Variants in FHL2 observed in about 807,000 individuals in gnomAD.
FHL2 encodes the protein four and a half LIM domains 2.
FHL2 carries 20 observed loss-of-function variants against 32.7 expected under a neutral mutation model. The ratio of observed to expected loss-of-function variants is 0.61; its 90% CI spans 0.43 to 0.89. The LOEUF (loss-of-function observed/expected upper bound fraction) is 0.89. Among genes scored for constraint, FHL2 ranks in the 40% least tolerant of loss-of-function variants. The pLI, the probability that FHL2 is intolerant of heterozygous loss-of-function variation, is 0.00. For missense variants in FHL2, 311 were observed against 358.6 expected, an observed-to-expected ratio of 0.87 and a Z score of 1.07; for synonymous variants, 123 against 128.1, an observed-to-expected ratio of 0.96 and a Z score of 0.27.
At chr2:105,382,810 G>A (rs896375704) in intron 3 of FHL2, among the ~76,000 whole-genome samples, 9 of 152,088 alleles carry the variant, frequency 5.9e-5, no homozygotes, top group East Asian at 3.9e-4. Context: ...TACGTGTGTC[G>A]CCCAGGGCTT....
At chr2:105,400,676 T>G (rs1371710483), upstream of FHL2, among the ~76,000 whole-genome samples, 1 of 133,996 alleles carries the variant, frequency 7.5e-6, no homozygotes, top group East Asian at 2.1e-4. Context: ...TCCTTTTGTC[T>G]TATATTTTAA....
At chr2:105,423,380 G>A (rs1415042819) in intron 1 of FHL2, among the ~76,000 whole-genome samples, 2 of 152,192 alleles carry the variant, frequency 1.3e-5, no homozygotes, top group African/African-American at 4.8e-5. Context: ...TAGAGATTGA[G>A]GTACAAACAG....
intron 4 of FHL2, among the ~76,000 whole-genome samples, chr2:105,371,419 C>G (rs903081756): frequency 6.6e-6 from 1 of 152,046 alleles, no homozygotes; most frequent in African/African-American, 2.4e-5. Context: ...AGCCTGCCGC[C>G]CTACGGAATT....
intron 2 of FHL2, among the ~76,000 whole-genome samples, chr2:105,390,944 A>G (rs143911489): frequency 0.013 from 1,989 of 151,322 alleles, 37 homozygotes; most frequent in African/African-American, 0.045. Context: ...TTACGGGCAC[A>G]CGCCACCACA....
chr2:105,396,448 G>A (rs186837822), intron 2 of FHL2, among the ~76,000 whole-genome samples, 199 bp downstream of exon 2: 329 of 152,218 alleles, frequency 2.2e-3, no homozygotes, highest in Admixed American at 4.7e-3. Flanking sequence ...TCACATTATG[G>A]AGAGCAGCCT....
At chr2:105,393,469 T>C (rs1682881839) in intron 2 of FHL2, among the ~76,000 whole-genome samples, 1 of 152,118 alleles carries the variant, frequency 6.6e-6, no homozygotes, top group African/African-American at 2.4e-5. Flanking sequence ...GGAAAACTGG[T>C]CTATGTGGGC....
upstream of FHL2, chr2:105,399,454 A>C: frequency 6.5e-7 from 1 of 1,536,082 alleles, no homozygotes; most frequent in Non-Finnish European, 8.7e-7. Context: ...ACTTCTCAGG[A>C]GGCATGTGCC....
At chr2:105,378,259 G>A (rs1017188509) in intron 3 of FHL2, 2 of 458,276 alleles carry the variant, frequency 4.4e-6, no homozygotes, top group African/African-American at 2.0e-5. Flanking sequence ...CGTGACACTT[G>A]AAACTGTCCC....
intron 2 of FHL2, among the ~76,000 whole-genome samples, chr2:105,395,362 A>C (rs1052042138): frequency 6.6e-6 from 1 of 152,126 alleles, no homozygotes; most frequent in African/African-American, 2.4e-5. Context: ...GAACACTTCT[A>C]CACCTACAAA....
chr2:105,400,011 G>C (rs1185837214), upstream of FHL2, among the ~76,000 whole-genome samples: 1 of 152,192 alleles, frequency 6.6e-6, no homozygotes, highest in East Asian at 1.9e-4. Flanking sequence ...TCTCCGTCTG[G>C]TAGGCCTCAT....
chr2:105,437,347 C>T (rs1230838369), intron 1 of FHL2, among the ~76,000 whole-genome samples: 1 of 152,098 alleles, frequency 6.6e-6, no homozygotes, highest in Non-Finnish European at 1.5e-5. Context: ...TTGGTCATTA[C>T]ACATTCTATG....
At chr2:105,426,646 G>A (rs2104676494) in intron 1 of FHL2, among the ~76,000 whole-genome samples, 1 of 152,304 alleles carries the variant, frequency 6.6e-6, no homozygotes, top group East Asian at 1.9e-4. Flanking sequence ...CTGTGCTGCT[G>A]CAAAGACCCC....
At chr2:105,422,444 A>T (rs535005645) in intron 1 of FHL2, among the ~76,000 whole-genome samples, 37 of 152,302 alleles carry the variant, frequency 2.4e-4, no homozygotes, top group African/African-American at 7.9e-4. Flanking sequence ...GGAATAGTGG[A>T]TCACATATAA....
At chr2:105,376,063 C>A (rs1681451979) in intron 3 of FHL2, 1 of 152,216 alleles carries the variant, frequency 6.6e-6, no homozygotes, top group African/African-American at 2.4e-5. Context: ...TCTTTCCATG[C>A]ACACGCCCCG....
intron 2 of FHL2, among the ~76,000 whole-genome samples, chr2:105,394,816 T>G (rs1683012095): frequency 6.6e-6 from 1 of 152,238 alleles, no homozygotes; most frequent in African/African-American, 2.4e-5. Flanking sequence ...ATAGTTTACA[T>G]AAACTGGTAA....
rs1378806856 is a variant in FHL2 at position 105,378,035 on chromosome 2, G to A, written c.157-4302C>T. ...GAGAGAGAAATCTCCAAGGTCAACA[G>A]GAAAGCAAAGCCACTAGATGTCACC... On this transcript the variant is annotated intron_variant, in intron 3 of 6. Coordinates refer to ENST00000530340, the MANE Select transcript of FHL2 (RefSeq NM_001318895.3). The A allele has an allele frequency of 1.5e-5, 7 of 470,026 alleles. No homozygotes were observed. The East Asian group carries it at 4.9e-4, about 33-fold the overall frequency. The allele number at this position is 470,026 out of a possible 1,614,324, so 29.1% of individuals were successfully genotyped here. A position where few individuals can be genotyped will look rare whatever the true frequency, so the allele number is the denominator to read the frequency against.
At chr2:105,423,046 G>A (rs925792681) in intron 1 of FHL2, among the ~76,000 whole-genome samples, 2 of 152,136 alleles carry the variant, frequency 1.3e-5, no homozygotes, top group Admixed American at 1.3e-4. Context: ...GAGGATGCTT[G>A]CATTGGGCCT....
intron 1 of FHL2, among the ~76,000 whole-genome samples, chr2:105,405,078 T>C (rs1399130310): frequency 6.6e-6 from 1 of 152,196 alleles, no homozygotes; most frequent in Admixed American, 6.5e-5. Context: ...GGCCAGTAAA[T>C]GTTGCTGGAT....
Position 105,373,645 on chromosome 2 carries a change from GC to G in FHL2, c.244del (p.Ala82ProfsTer129). The G allele has an allele frequency of 6.2e-7, 1 of 1,614,176 alleles. No homozygotes were observed. Among genetic ancestry groups the G allele is most frequent in the South Asian group, 1.1e-5 (1 of 91,078 alleles). Reference protein sequence around the residue: ...RNSLVDKPFAAKEDQLLCTDC... With the variant: ...RNSLVDKPFAXKEDQLLCTDC... The stretch of plus-strand genomic sequence containing the variant: ...TGTACAGAGCAGCTGGTCCTCCTTG[GC>G]AGCAAAGGGCTTGTCCACCAGTGAG... On this transcript the variant is annotated frameshift_variant, in exon 4 of 7. Transcript: ENST00000530340. LOFTEE classifies it high-confidence loss of function.
Sources: allele counts gnomAD v4.1 joint callset (sites outside exome capture counted in the v4.1 genomes callset), GRCh38; gene constraint gnomAD v4.1.1; transcripts MANE v1.5; gene names NCBI Gene and HGNC (gene_info 2026-07-23, HGNC 2026-07-21).